CSMD1: variants seen among roughly 807,000 people sequenced by gnomAD.
CSMD1 encodes the protein CUB and sushi domain-containing protein 1.
Under a neutral mutation model 417.5 loss-of-function variants are expected in CSMD1, and 213 were observed. The ratio of observed to expected loss-of-function variants is 0.51; its 90% confidence interval spans 0.46 to 0.57. The LOEUF is 0.57. CSMD1 is among the 20% of genes least tolerant of loss of function. CSMD1 has a pLI of 0.00. For synonymous variants in CSMD1, 2,862 were observed against 1,736.8 expected (o/e 1.65, Z -16.11); for missense variants, 6,923 against 4,529.7 (o/e 1.53, Z -15.17).
At chr8:3,818,224 C>T (rs577628862) in intron 5 of CSMD1, among the ~76,000 whole-genome samples, 1 of 152,000 alleles carries the variant, frequency 6.6e-6, no homozygotes, top group African/African-American at 2.4e-5. Flanking sequence ...CAGAGCCCAC[C>T]CCAAGATGCA....
intron 12 of CSMD1, among the ~76,000 whole-genome samples, chr8:3,450,393 G>A (rs1251275661): frequency 6.6e-6 from 1 of 151,758 alleles, no homozygotes; most frequent in Non-Finnish European, 1.5e-5. Context: ...CATGTGCCAT[G>A]TTGGTGTGCT....
chr8:2,966,706 C>G lies in CSMD1; in HGVS notation c.8964G>C (p.Met2988Ile), dbSNP rs749027559. ...ACAGAATGCCATCACTACTGACAAT[C>G]ATTCCGTTGGTGGGTGTGCCAGGGT... The part of the protein sequence containing the change: ...CGNPGTPTNG[M>I]IVSSDGILFS... The change falls in exon 58 of 70, where the codon ATG (methionine) becomes ATC (isoleucine). Residue 2988 changes from methionine to isoleucine, a missense_variant. Transcript: ENST00000635120. 1 of 1,613,784 alleles carries G rather than the reference C, an allele frequency of 6.2e-7. No homozygotes were observed. The highest frequency in any genetic ancestry group is 8.5e-7 in the Non-Finnish European group (1 of 1,179,828).
chr8:4,852,632 G>C, intron 1 of CSMD1, among the ~76,000 whole-genome samples: 1 of 152,156 alleles, frequency 6.6e-6, no homozygotes, highest in East Asian at 1.9e-4. Flanking sequence ...ATATGGAAGT[G>C]GCTTTGGAAC....
At chr8:3,610,677 C>A (rs1321396734) in intron 8 of CSMD1, among the ~76,000 whole-genome samples, 1 of 152,074 alleles carries the variant, frequency 6.6e-6, no homozygotes, top group Non-Finnish European at 1.5e-5. Flanking sequence ...TAGCAAATAT[C>A]TTACTATAAT....
At chr8:4,200,860 A>T (rs150210523) in intron 3 of CSMD1, among the ~76,000 whole-genome samples, 5 of 151,890 alleles carry the variant, frequency 3.3e-5, no homozygotes, top group African/African-American at 1.2e-4. Flanking sequence ...CCTGTCTCAA[A>T]ATAATGATGA....
At chr8:4,052,727 T>C (rs1049118188) in intron 3 of CSMD1, among the ~76,000 whole-genome samples, 2 of 151,982 alleles carry the variant, frequency 1.3e-5, no homozygotes, top group Admixed American at 6.5e-5. Flanking sequence ...ATTTAGCTCA[T>C]CACCACATGA....
chr8:3,495,957 A>C (rs1159421766), intron 10 of CSMD1, among the ~76,000 whole-genome samples: 1 of 152,090 alleles, frequency 6.6e-6, no homozygotes, highest in Non-Finnish European at 1.5e-5. Context: ...CAGGTTTGGG[A>C]CATAGGTAAA....
intron 3 of CSMD1, among the ~76,000 whole-genome samples, chr8:4,307,079 T>A (rs868797008): frequency 5.2e-4 from 79 of 152,252 alleles, no homozygotes; most frequent in Middle Eastern, 3.4e-3. Context: ...GCTCCCACTA[T>A]TGCCAATTTC....
chr8:4,279,372 A>C (rs1490098102), intron 3 of CSMD1, among the ~76,000 whole-genome samples: 1 of 152,202 alleles, frequency 6.6e-6, no homozygotes, highest in African/African-American at 2.4e-5. Context: ...TCTCAACAGA[A>C]TGTCAAGTAT....
At chr8:3,347,165 TGGCCTGTGG>T (rs1443029086) in intron 22 of CSMD1, among the ~76,000 whole-genome samples, 1 of 152,252 alleles carries the variant, frequency 6.6e-6, no homozygotes, top group Non-Finnish European at 1.5e-5. Flanking sequence ...GGGCCGCATG[TGGCCTGTGG>T]GCCGCGGGTT....
intron 5 of CSMD1, among the ~76,000 whole-genome samples, chr8:3,906,626 C>G (rs1584944399): frequency 7.1e-6 from 1 of 139,910 alleles, no homozygotes; most frequent in East Asian, 2.1e-4. Context: ...CAAACCTAAG[C>G]TTTTTTTTTT....
At chr8:4,589,385 T>C (rs1799875283) in intron 2 of CSMD1, among the ~76,000 whole-genome samples, 1 of 152,200 alleles carries the variant, frequency 6.6e-6, no homozygotes, top group East Asian at 1.9e-4. Context: ...TCAGGGACTC[T>C]GAACCAAAAA....
At chr8:4,095,097 A>G (rs1800934254) in intron 3 of CSMD1, among the ~76,000 whole-genome samples, 2 of 152,190 alleles carry the variant, frequency 1.3e-5, no homozygotes, top group African/African-American at 4.8e-5. Context: ...CTGCAGAGGA[A>G]ACAAAGTGAC....
At chr8:4,360,006 G>C (rs946705408) in intron 3 of CSMD1, among the ~76,000 whole-genome samples, 4 of 152,192 alleles carry the variant, frequency 2.6e-5, no homozygotes, top group African/African-American at 9.7e-5. Flanking sequence ...CATCCCAGTT[G>C]TGGAGTTCCA....
chr8:3,356,863 G>A (rs1014377051), intron 21 of CSMD1, among the ~76,000 whole-genome samples: 5 of 152,306 alleles, frequency 3.3e-5, no homozygotes, highest in African/African-American at 1.2e-4. Context: ...CCAGGACAGC[G>A]TGGAGGGAGA....
At chr8:4,901,023 G>A (rs1453328203) in intron 1 of CSMD1, among the ~76,000 whole-genome samples, 1 of 152,158 alleles carries the variant, frequency 6.6e-6, no homozygotes, top group Non-Finnish European at 1.5e-5. Context: ...AAAGAATGCC[G>A]ATGTTCAACA....
rs1245332705 is a variant in CSMD1, at chr8:4,353,236, C to G, written c.415+66717G>C. Among the ~76,000 whole-genome samples, 4 of 152,156 alleles carry G rather than the reference C, an allele frequency of 2.6e-5. 1 individual carries two copies. In the South Asian group the frequency reaches 6.2e-4, roughly 24 times the overall value. ...AAGTGAATCATGACGACGGTTTCCC[C>G]CAGACTGTTCTTCTGGTAGTAAGTC... On this transcript the variant is annotated intron_variant, in intron 3 of 69. Coordinates refer to ENST00000635120, the MANE Select transcript of CSMD1 (RefSeq NM_033225.6).
chr8:4,187,826 G>C (rs1584985158), intron 3 of CSMD1, among the ~76,000 whole-genome samples: 1 of 152,042 alleles, frequency 6.6e-6, no homozygotes, highest in East Asian at 1.9e-4. Flanking sequence ...CACAGTTTCA[G>C]ATGACTTGCT....
rs114005539 is a variant in CSMD1, at chr8:3,803,344, A to T, written c.819-49302T>A. Among the ~76,000 whole-genome samples, 386 of 152,298 alleles carry T rather than the reference A, an allele frequency of 2.5e-3. 5 individuals carry two copies. The highest frequency in any genetic ancestry group is 8.7e-3 in the African/African-American group (363 of 41,564). The stretch of plus-strand genomic sequence containing the variant: ...GCTATACACAAATACTTCAATAGAC[A>T]AGACAAGACAAGACTTGAATGGTAA... On this transcript the variant is annotated intron_variant, in intron 5 of 69. Transcript: ENST00000635120.
Sources: allele counts gnomAD v4.1 joint callset (sites outside exome capture counted in the v4.1 genomes callset), GRCh38; gene constraint gnomAD v4.1.1; transcripts MANE v1.5; gene names NCBI Gene and HGNC (gene_info 2026-07-23, HGNC 2026-07-21).